The following NPC2 variants were observed in gnomAD, a reference collection of about 807,000 sequenced individuals.
NPC2 encodes the protein NPC intracellular cholesterol transporter 2.
In NPC2, 14 loss-of-function variants were observed where a neutral mutation model predicts 17.0. That is an observed-to-expected ratio of 0.82 (90% CI 0.54 to 1.29). The LOEUF (loss-of-function observed/expected upper bound fraction) is 1.29, where lower values mean the gene tolerates loss of function less well. Among genes scored for constraint, NPC2 ranks in the 50% most tolerant of loss-of-function variants. The probability of loss-of-function intolerance (pLI) is 0.00; values close to 1 mark genes in which losing one functional copy is unlikely to be tolerated. For missense variants in NPC2, 167 were observed against 183.4 expected, an observed-to-expected ratio of 0.91 and a Z score of 0.52; for synonymous variants, 75 against 69.3, an observed-to-expected ratio of 1.08 and a Z score of -0.41.
At chr14:74,490,457 T>G (rs914877006) in intron 1 of NPC2, among the ~76,000 whole-genome samples, 3 of 152,206 alleles carry the variant, frequency 2.0e-5, no homozygotes, top group African/African-American at 7.2e-5. Context: ...TTTTGGTGAA[T>G]AGGGAAAAAA....
chr14:74,480,544 T>C lies in NPC2; in HGVS notation c.441+158A>G, dbSNP rs2086644987. On this transcript the variant is annotated intron_variant, in intron 4 of 4. Coordinates refer to ENST00000555619, the MANE Select transcript of NPC2 (RefSeq NM_006432.5). The stretch of plus-strand genomic sequence containing the variant: ...TATTACAAAGGCAACAGTTCTGAGC[T>C]CTCAGGAAATAGGGTCTCAGATGCT... The C allele has an allele frequency of 1.1e-5, 9 of 805,622 alleles. No individual in the cohort carries two copies. In the South Asian group the frequency reaches 1.2e-4, roughly 11 times the overall value. The allele number at this position is 805,622 out of a possible 1,614,324, so 49.9% of individuals were successfully genotyped here. A position where few individuals can be genotyped will look rare whatever the true frequency, so the allele number is the denominator to read the frequency against.
intron 1 of NPC2, among the ~76,000 whole-genome samples, chr14:74,487,846 A>G (rs2086729730): frequency 6.6e-6 from 1 of 152,234 alleles, no homozygotes; most frequent in Non-Finnish European, 1.5e-5. Flanking sequence ...AGGAAAGCAG[A>G]GGCATCTGAA....
At chr14:74,487,651 C>T (rs1229566733) in intron 1 of NPC2, among the ~76,000 whole-genome samples, 1 of 152,228 alleles carries the variant, frequency 6.6e-6, no homozygotes, top group East Asian at 1.9e-4. Flanking sequence ...TGAATTACAA[C>T]ATCTTTCTAC....
At chr14:74,493,454 C>A (rs2086801469), upstream of NPC2, 11 of 1,416,984 alleles carry the variant, frequency 7.8e-6, no homozygotes, top group Non-Finnish European at 1.1e-5. The surrounding 1 kb of genome is among the most constrained non-coding windows in gnomAD (Gnocchi z 4.1). Flanking sequence ...CCCTCTCAGG[C>A]CCAGAAGCCT....
chr14:74,484,608 C>G (rs766309533), intron 2 of NPC2, 21 bp from the exon 3 acceptor site: 3 of 1,613,656 alleles, frequency 1.9e-6, no homozygotes, highest in Admixed American at 1.7e-5. Flanking sequence ...AAAAGAGAAT[C>G]AGATGGCAAA....
chr14:74,486,680 CAAGAGA>C (rs970269309), intron 1 of NPC2, among the ~76,000 whole-genome samples: 11 of 152,098 alleles, frequency 7.2e-5, no homozygotes, highest in African/African-American at 2.4e-4. Flanking sequence ...GTTTTTTGAT[CAAGAGA>C]AAGTTAATAT....
chr14:74,480,899 T>C (rs894796388), intron 3 of NPC2, 120 bp from the exon 4 acceptor site: 16 of 876,040 alleles, frequency 1.8e-5, no homozygotes, highest in Admixed American at 1.5e-4. Context: ...CATACTTTTT[T>C]TCTTAAATCA....
chr14:74,487,626 G>C (rs1018402751), intron 1 of NPC2, among the ~76,000 whole-genome samples: 1 of 152,180 alleles, frequency 6.6e-6, no homozygotes, highest in Non-Finnish European at 1.5e-5. Flanking sequence ...AAACTCCGCG[G>C]AGGAAGATCA....
At chr14:74,489,820 T>C (rs1053978303) in intron 1 of NPC2, among the ~76,000 whole-genome samples, 2 of 152,350 alleles carry the variant, frequency 1.3e-5, no homozygotes, top group African/African-American at 4.8e-5. Flanking sequence ...GAAATCTCAC[T>C]ATCTCTGCTA....
intron 3 of NPC2, chr14:74,483,113 A>T: frequency 1.0e-6 from 1 of 970,478 alleles, no homozygotes; most frequent in East Asian, 2.4e-5. Context: ...GTCAACTGCC[A>T]ACAGTGTATG....
intron 3 of NPC2, among the ~76,000 whole-genome samples, chr14:74,481,400 T>C (rs8009662): frequency 0.65 from 98,364 of 152,126 alleles, 32,276 homozygotes; most frequent in African/African-American, 0.73. Flanking sequence ...TACAGCTTGC[T>C]GAACCGTGAG....
At chr14:74,484,292 G>A (rs548628506) in intron 3 of NPC2, 123 bp downstream of exon 3, 26 of 1,019,878 alleles carry the variant, frequency 2.5e-5, no homozygotes, top group African/African-American at 8.6e-5. Flanking sequence ...CCTTTCCCTC[G>A]GGCTTCTTCT....
At chr14:74,482,988 G>A in intron 3 of NPC2, 1 of 752,724 alleles carries the variant, frequency 1.3e-6, no homozygotes, top group Non-Finnish European at 2.4e-6. Context: ...GTGAGCTAGT[G>A]GTCCTTGGTT....
At chr14:74,484,055 C>T (rs531410256) in intron 3 of NPC2, among the ~76,000 whole-genome samples, 8 of 152,248 alleles carry the variant, frequency 5.3e-5, no homozygotes, top group South Asian at 2.1e-4. Flanking sequence ...CTGATTTCTA[C>T]GACTTTCAAA....
In NPC2 at chr14:74,484,556, C is replaced by T. The variant is rs763523833; in HGVS notation, c.222G>A (p.Val74=). Residue 74 remains valine (V), a synonymous_variant, in exon 3 of 5, where the codon GTG becomes GTA. Transcript: ENST00000555619. ...CTGGGACGCCCATCAGGATGCCATG[C>T]ACCACGGCCTTGCTGCTTTTAGACT... is the stretch of plus-strand genomic sequence containing the variant. ...NIQSKSSKAV[V]HGILMGVPVP... is the part of the protein sequence containing the mutation. The T allele has an allele frequency of 2.5e-6, 4 of 1,613,932 alleles. No individual in the cohort carries two copies. The highest frequency in any genetic ancestry group is 3.4e-6 in the Non-Finnish European group (4 of 1,180,034).
intron 1 of NPC2, among the ~76,000 whole-genome samples, chr14:74,487,939 C>T (rs1372549098): frequency 2.0e-5 from 3 of 152,150 alleles, no homozygotes; most frequent in African/African-American, 7.2e-5. Flanking sequence ...GAGATTTGTC[C>T]AAGGTCACAT....
At position 74,483,078 on chromosome 14, in the gene NPC2, A is replaced by T. The variant is rs2086671643; in HGVS notation, c.363+1337T>A. 62 of 1,304,928 alleles carry T rather than the reference A, an allele frequency of 4.8e-5. No homozygotes were observed. In the South Asian group the frequency reaches 7.1e-4, roughly 15 times the overall value. The allele number at this position is 1,304,928 out of a possible 1,614,324, so 80.8% of individuals were successfully genotyped here. On this transcript the variant is annotated intron_variant, in intron 3 of 4. Coordinates refer to ENST00000555619, the MANE Select transcript of NPC2 (RefSeq NM_006432.5). ...TTGAAAAATATGACCCAACGATAGA[A>T]GATTCCTACAGAAAGCAAGTTGAAG...
At chr14:74,486,188 C>T in intron 2 of NPC2, 141 bp downstream of exon 2, 1 of 829,754 alleles carries the variant, frequency 1.2e-6, no homozygotes, top group East Asian at 2.7e-5. Context: ...ACAGTGAACC[C>T]TAGCTTTGCA....
At chr14:74,486,570 A>G in intron 1 of NPC2, 134 bp from the exon 2 acceptor site, 1 of 724,498 alleles carries the variant, frequency 1.4e-6, no homozygotes, top group South Asian at 1.5e-5. Flanking sequence ...GTTTCCCAGG[A>G]TGGAATCTTT....
Sources: gnomAD v4.1 joint callset for allele counts (sites outside exome capture counted in the v4.1 genomes callset) on GRCh38, gnomAD v4.1.1 for gene constraint, Gnocchi (gnomAD v3.1) non-coding constraint, MANE v1.5 for transcripts, NCBI Gene and HGNC (gene_info 2026-07-23, HGNC 2026-07-21) for gene names.